The following TCF7L1 variants were observed in gnomAD, a reference collection of about 807,000 sequenced individuals.
TCF7L1 encodes transcription factor 7 like 1.
Under a neutral mutation model 63.7 loss-of-function variants are expected in TCF7L1, and 18 were observed. The ratio of observed to expected loss-of-function variants is 0.28; its 90% CI spans 0.20 to 0.42. The LOEUF (loss-of-function observed/expected upper bound fraction) is 0.42, where lower values mean the gene tolerates loss of function less well. TCF7L1 is among the 10% of genes least tolerant of loss of function. TCF7L1 has a pLI of 1.00. For missense variants in TCF7L1, 654 were observed against 779.3 expected, an observed-to-expected ratio of 0.84 and a Z score of 1.91; for synonymous variants, 355 against 340.9, an observed-to-expected ratio of 1.04 and a Z score of -0.46.
In TCF7L1 at chr2:85,303,948, C is replaced by T. The variant is rs763978017; in HGVS notation, c.712C>T (p.Pro238Ser). The T allele has an allele frequency of 6.2e-7, 1 of 1,613,942 alleles. No homozygotes were observed. The highest frequency in any genetic ancestry group is 1.7e-5 in the Admixed American group (1 of 60,006). Residue 238 changes from proline to serine, a missense_variant, in exon 6 of 12, where the codon CCC (proline) becomes TCC (serine). By Grantham distance (74) the Pro-to-Ser change is moderately conservative (BLOSUM62 -1). This residue lies in a region of TCF7L1 where 404 missense variants were observed against 454.8 expected (regional missense o/e 0.89). Transcript: ENST00000282111. ...SELSPYYPLS[P>S]GAVGQIPHPL... Reference sequence around the variant, plus strand: ...GCTGTCACCGTATTACCCACTCTCTCCCGGAGCTGTCGGACAAATCCCCCA... The same window carrying T: ...GCTGTCACCGTATTACCCACTCTCTTCCGGAGCTGTCGGACAAATCCCCCA...
intron 3 of TCF7L1, among the ~76,000 whole-genome samples, chr2:85,175,178 A>C (rs1678650112): frequency 6.6e-6 from 1 of 152,140 alleles, no homozygotes; most frequent in African/African-American, 2.4e-5. Flanking sequence ...AGAGGGTGGA[A>C]GTGTGAATGG....
intron 3 of TCF7L1, among the ~76,000 whole-genome samples, chr2:85,273,687 G>C (rs905798229): frequency 2.0e-5 from 3 of 152,152 alleles, no homozygotes; most frequent in African/African-American, 7.2e-5. Context: ...TGGGCGACAC[G>C]GTGAGTGTTC....
chr2:85,265,411 C>G (rs1373483119), intron 3 of TCF7L1, among the ~76,000 whole-genome samples: 3 of 152,190 alleles, frequency 2.0e-5, no homozygotes, highest in Non-Finnish European at 4.4e-5. Flanking sequence ...CCAGTGAGAT[C>G]TGAGAACTAG....
In TCF7L1 at chr2:85,303,931, C is replaced by T. The variant is rs766809838; in HGVS notation, c.695C>T (p.Pro232Leu). 4 of 1,613,674 alleles carry T rather than the reference C, an allele frequency of 2.5e-6. No individual in the cohort carries two copies. The highest frequency in any genetic ancestry group is 1.6e-4 in the Middle Eastern group (1 of 6,084). The change falls in exon 6 of 12, where the codon CCG (proline) becomes CTG (leucine). Residue 232 changes from proline (P) to leucine (L), a missense_variant. Around this residue, in one of 3 missense-constraint regions of TCF7L1, gnomAD observed 404 missense variants for 454.8 expected, o/e 0.89. Transcript: ENST00000282111. ...CCCCCTCACCCATCCGAGCTGTCAC[C>T]GTATTACCCACTCTCTCCCGGAGCT... Reference protein sequence around the residue: ...PRPPHPSELSPYYPLSPGAVG... With the variant: ...PRPPHPSELSLYYPLSPGAVG...
At chr2:85,210,328 T>C (rs1679513539) in intron 3 of TCF7L1, among the ~76,000 whole-genome samples, 1 of 152,230 alleles carries the variant, frequency 6.6e-6, no homozygotes, top group African/African-American at 2.4e-5. Flanking sequence ...CTATGGCCCC[T>C]GGCTGGAGCC....
chr2:85,275,459 T>C (rs780464406), intron 3 of TCF7L1, among the ~76,000 whole-genome samples: 7 of 152,158 alleles, frequency 4.6e-5, no homozygotes, highest in African/African-American at 7.2e-5. Flanking sequence ...AAGAGGTGTT[T>C]ATGGTGAAAC....
At chr2:85,262,848 C>T (rs1432532817) in intron 3 of TCF7L1, among the ~76,000 whole-genome samples, 5 of 152,128 alleles carry the variant, frequency 3.3e-5, no homozygotes, top group African/African-American at 7.2e-5. Flanking sequence ...CACCCAAGAG[C>T]GGGGAACTAG....
At chr2:85,135,725 C>T (rs1228202666) in intron 3 of TCF7L1, among the ~76,000 whole-genome samples, 1 of 151,694 alleles carries the variant, frequency 6.6e-6, no homozygotes, top group Admixed American at 6.6e-5. Context: ...GAGACTCTGA[C>T]TGAGAGAGAG....
chr2:85,308,288 C>T (rs1469982253), intron 11 of TCF7L1, among the ~76,000 whole-genome samples: 2 of 152,048 alleles, frequency 1.3e-5, no homozygotes, highest in East Asian at 1.9e-4. Context: ...CATGCTCACT[C>T]CAGGACAAGT....
chr2:85,309,513 T>G lies in TCF7L1; in HGVS notation c.*51T>G, dbSNP rs894861672. 17 of 1,497,576 alleles carry G rather than the reference T, an allele frequency of 1.1e-5. No homozygotes were observed. The highest frequency in any genetic ancestry group is 1.5e-5 in the Non-Finnish European group (17 of 1,119,252). 92.8% of individuals were successfully genotyped at this position (1,497,576 alleles called of 1,614,324 possible). A position where few individuals can be genotyped will look rare whatever the true frequency, so the allele number is the denominator to read the frequency against. On this transcript the variant is annotated 3_prime_UTR_variant, in exon 12 of 12. Transcript: ENST00000282111. ...CACATGACTCATTGAGTAGTAATGA[T>G]TCAGAAGAAAAAGAAAAAGGAGACT...
chr2:85,142,309 C>G (rs1677754919), intron 3 of TCF7L1, among the ~76,000 whole-genome samples: 1 of 151,474 alleles, frequency 6.6e-6, no homozygotes. Context: ...GCACCAGCTT[C>G]TTGGAAGGCT....
chr2:85,308,246 T>C (rs144539365), intron 11 of TCF7L1, among the ~76,000 whole-genome samples: 1,823 of 152,252 alleles, frequency 0.012, 150 homozygotes, highest in Admixed American at 0.11. Context: ...CTGTGACGAT[T>C]ATTATTAATA....
intron 3 of TCF7L1, among the ~76,000 whole-genome samples, chr2:85,260,635 C>A (rs1558649207): frequency 2.3e-5 from 3 of 131,230 alleles, no homozygotes; most frequent in South Asian, 2.4e-4. Flanking sequence ...CAGAGTGAGA[C>A]CCTATCTCAA....
At chr2:85,152,628 T>C (rs1678044591) in intron 3 of TCF7L1, among the ~76,000 whole-genome samples, 1 of 151,424 alleles carries the variant, frequency 6.6e-6, no homozygotes, top group Non-Finnish European at 1.5e-5. Context: ...AGAGACAGGG[T>C]TTCACCATGT....
intron 3 of TCF7L1, among the ~76,000 whole-genome samples, chr2:85,224,450 GT>G (rs1292529109): frequency 6.6e-6 from 1 of 152,196 alleles, no homozygotes; most frequent in East Asian, 1.9e-4. Context: ...TCCAGCACCT[GT>G]TGTTTCCTGA....
intron 3 of TCF7L1, among the ~76,000 whole-genome samples, chr2:85,207,356 C>T (rs1163000021): frequency 2.0e-5 from 3 of 152,116 alleles, no homozygotes; most frequent in Middle Eastern, 3.2e-3. Context: ...CTGCACCTGC[C>T]CACGTCCTGT....
intron 3 of TCF7L1, among the ~76,000 whole-genome samples, chr2:85,174,548 A>T (rs888447492): frequency 1.3e-5 from 2 of 152,034 alleles, no homozygotes; most frequent in African/African-American, 4.8e-5. Context: ...TTAACTGGTC[A>T]CTGTCAACTC....
chr2:85,278,253 G>A lies in TCF7L1; in HGVS notation c.442-5242G>A, dbSNP rs544236980. ...CCGCCTGGCCAAGTGCTCGCCCCAA[G>A]GAGGGCTCTAAGGAGGGGCCCAAAA... is the stretch of plus-strand genomic sequence containing the variant. On this transcript the variant is annotated intron_variant, in intron 3 of 11. Coordinates refer to ENST00000282111, the MANE Select transcript of TCF7L1 (RefSeq NM_031283.3). 1.4e-4 allele frequency among the ~76,000 whole-genome samples: 22 copies of A among 152,320 alleles called. No individual in the cohort carries two copies. The South Asian group carries it at 2.9e-3, about 20-fold the overall frequency.
rs560638829 is a variant in TCF7L1 at position 85,247,507 on chromosome 2, A to G, written c.442-35988A>G. On this transcript the variant is annotated intron_variant, in intron 3 of 11. Coordinates refer to ENST00000282111, the MANE Select transcript of TCF7L1 (RefSeq NM_031283.3). Reference sequence around the variant, plus strand: ...TTTTGAGAACCTTTGCATCAAATCAATTCAGATACTTGTCTTTAACTTGCA... The same window carrying G: ...TTTTGAGAACCTTTGCATCAAATCAGTTCAGATACTTGTCTTTAACTTGCA... Among the ~76,000 whole-genome samples, 4 of 152,320 alleles carry G rather than the reference A, an allele frequency of 2.6e-5. No homozygotes were observed. The East Asian group carries it at 5.8e-4, about 22-fold the overall frequency.
Sources: gnomAD v4.1 joint callset for allele counts (sites outside exome capture counted in the v4.1 genomes callset) on GRCh38, gnomAD v4.1.1 for gene constraint, gnomAD v4.1.1 regional missense constraint, MANE v1.5 for transcripts, NCBI Gene and HGNC (gene_info 2026-07-23, HGNC 2026-07-21) for gene names.